The following CPA3 variants were observed in gnomAD, a reference collection of about 807,000 sequenced individuals.
The protein encoded by CPA3 is mast cell carboxypeptidase A.
Under a neutral mutation model 55.8 loss-of-function variants are expected in CPA3, and 52 were observed. The observed-to-expected ratio is 0.93, with a 90% CI of 0.75 to 1.17. CPA3 has a LOEUF of 1.17. CPA3 is among the 50% of genes most tolerant of loss of function. The pLI, the probability that CPA3 is intolerant of heterozygous loss-of-function variation, is 0.00. For missense variants in CPA3, 547 were observed against 509.1 expected, an observed-to-expected ratio of 1.07 and a Z score of -0.72; for synonymous variants, 179 against 171.2, an observed-to-expected ratio of 1.05 and a Z score of -0.36.
At position 148,878,166 on chromosome 3, in the gene CPA3, G is replaced by A. The variant is rs1370533403; in HGVS notation, c.270-275G>A. Among the ~76,000 whole-genome samples, 4 of 152,202 alleles carry A rather than the reference G, an allele frequency of 2.6e-5. No individual in the cohort carries two copies. In the East Asian group the frequency reaches 7.7e-4, roughly 29 times the overall value. ...ATCTGGTGTATATTTTACACATACA[G>A]CAATCTACTCTTGGACAAGCCCCAC... On this transcript the variant is annotated intron_variant, in intron 3 of 10. Coordinates refer to ENST00000296046, the MANE Select transcript of CPA3 (RefSeq NM_001870.4).
intron 3 of CPA3, among the ~76,000 whole-genome samples, chr3:148,871,574 A>G (rs1233550835): frequency 1.3e-5 from 2 of 152,174 alleles, no homozygotes; most frequent in African/African-American, 4.8e-5. Flanking sequence ...GGCCTCTTCT[A>G]TCCTGAAATG....
intron 10 of CPA3, among the ~76,000 whole-genome samples, chr3:148,888,024 G>T (rs1369349795): frequency 6.6e-6 from 1 of 152,142 alleles, no homozygotes; most frequent in African/African-American, 2.4e-5. Context: ...AAAATTTCAT[G>T]AACAACCCTT....
intron 6 of CPA3, 175 bp from the exon 7 acceptor site, chr3:148,881,347 G>A (rs746588621): frequency 4.1e-6 from 2 of 488,736 alleles, no homozygotes; most frequent in Admixed American, 7.5e-5. Flanking sequence ...AAATAAGTTA[G>A]GTTTTTTTCC....
At position 148,883,667 on chromosome 3, in the gene CPA3, A is replaced by G; in HGVS notation, c.833A>G (p.Glu278Gly). The change falls in exon 9 of 11, where the codon GAG becomes GGG. Residue 278 changes from glutamate to glycine, a missense_variant. Glu to Gly is a moderately conservative substitution (Grantham distance 98). Coordinates refer to ENST00000296046, the MANE Select transcript of CPA3 (RefSeq NM_001870.4). ...CADNYRGSAP[E>G]SEKETKAVTN... The stretch of plus-strand genomic sequence containing the variant: ...GATAACTATCGGGGCTCTGCACCAG[A>G]GTCCGAGAAAGAGACGAAAGCTGTC... The G allele has an allele frequency of 6.2e-7, 1 of 1,614,140 alleles. No homozygotes were observed. Among genetic ancestry groups the G allele is most frequent in the Non-Finnish European group, 8.5e-7 (1 of 1,179,982 alleles).
intron 3 of CPA3, among the ~76,000 whole-genome samples, chr3:148,877,388 G>C (rs1311537522): frequency 1.3e-5 from 2 of 152,090 alleles, no homozygotes; most frequent in African/African-American, 4.8e-5. Flanking sequence ...CAGCTGCTCA[G>C]GAGACCAAAG....
At chr3:148,878,849 A>G (rs1000502447) in intron 5 of CPA3, 101 bp downstream of exon 5, 27 of 677,766 alleles carry the variant, frequency 4.0e-5, no homozygotes, top group South Asian at 3.0e-4. Flanking sequence ...GCTAATACAT[A>G]TTATCTCTGA....
chr3:148,892,480 C>G (rs1028713828), intron 10 of CPA3, among the ~76,000 whole-genome samples: 1 of 151,864 alleles, frequency 6.6e-6, no homozygotes, highest in African/African-American at 2.4e-5. Context: ...TGGTGAAACC[C>G]GGTCTCTACT....
chr3:148,886,206 C>T (rs1714524164), intron 10 of CPA3, 29 bp downstream of exon 10: 2 of 1,452,764 alleles, frequency 1.4e-6, no homozygotes, highest in Non-Finnish European at 1.9e-6. Context: ...TTACTGAGCC[C>T]TTTTCCCTAA....
At position 148,896,882 on chromosome 3, in the gene CPA3, G is replaced by A. The variant is rs868793787; in HGVS notation, c.*175G>A. On this transcript the variant is annotated 3_prime_UTR_variant, in exon 11 of 11. Coordinates refer to ENST00000296046, the MANE Select transcript of CPA3 (RefSeq NM_001870.4). ...TACTTACTTTCAGTAGCACCATAAC[G>A]AAGTAGCTTTAAGTGAAACCTTTTA... The A allele has an allele frequency of 1.7e-5, 8 of 473,342 alleles. No individual in the cohort carries two copies. Among genetic ancestry groups the A allele is most frequent in the East Asian group, 6.4e-5 (2 of 31,470 alleles). 29.3% of individuals were successfully genotyped at this position (473,342 alleles called of 1,614,324 possible).
chr3:148,884,955 G>A (rs566934774), intron 9 of CPA3, among the ~76,000 whole-genome samples: 25 of 151,960 alleles, frequency 1.6e-4, no homozygotes, highest in East Asian at 1.2e-3. Flanking sequence ...GGTTATATAC[G>A]TTATATGTAT....
In CPA3 at chr3:148,865,382, C is replaced by A. The variant is rs1007670073; in HGVS notation, c.68+7C>A. The A allele has an allele frequency of 2.5e-6, 4 of 1,613,814 alleles. No individual in the cohort carries two copies. The African/African-American group carries it at 5.3e-5, about 22-fold the overall frequency. On this transcript the variant is annotated splice_region_variant and intron_variant, in intron 1 of 10. Transcript: ENST00000296046. The stretch of plus-strand genomic sequence containing the variant: ...CTCCTGTCCGCTTTGACAGGTAAAT[C>A]TTACTTCCTGTGTTCCAGTCTCTGT...
At chr3:148,886,455 T>A (rs1452041948) in intron 10 of CPA3, among the ~76,000 whole-genome samples, 3 of 152,160 alleles carry the variant, frequency 2.0e-5, no homozygotes, top group Non-Finnish European at 2.9e-5. Flanking sequence ...GTTTACTTTA[T>A]CTACCTTCCT....
intron 10 of CPA3, among the ~76,000 whole-genome samples, chr3:148,889,676 T>G (rs1022151115): frequency 6.6e-6 from 1 of 151,584 alleles, no homozygotes; most frequent in African/African-American, 2.4e-5. Flanking sequence ...TTGAGACCAG[T>G]CTGGCCAACA....
chr3:148,892,509 T>C (rs1018814598), intron 10 of CPA3, among the ~76,000 whole-genome samples: 13 of 151,238 alleles, frequency 8.6e-5, no homozygotes, highest in African/African-American at 2.2e-4. Context: ...AAAAATTAGC[T>C]AGGTGTGGTG....
chr3:148,891,331 C>G (rs1714660075), intron 10 of CPA3, among the ~76,000 whole-genome samples: 1 of 151,956 alleles, frequency 6.6e-6, no homozygotes, highest in Admixed American at 6.6e-5. Flanking sequence ...AAATTAAGTT[C>G]TGGCCAGGCA....
chr3:148,888,416 C>T (rs1203794128), intron 10 of CPA3, among the ~76,000 whole-genome samples: 2 of 152,238 alleles, frequency 1.3e-5, no homozygotes, highest in African/African-American at 4.8e-5. Context: ...TGATCCCCAG[C>T]ATCCACATAG....
chr3:148,881,769 CA>C (rs1714373929), intron 7 of CPA3, 137 bp downstream of exon 7: 1 of 466,290 alleles, frequency 2.1e-6, no homozygotes, highest in Non-Finnish European at 3.6e-6. Context: ...ATCTCAGTTT[CA>C]AATTAAGTAT....
At chr3:148,890,530 T>G (rs187015915) in intron 10 of CPA3, among the ~76,000 whole-genome samples, 20 of 152,358 alleles carry the variant, frequency 1.3e-4, no homozygotes, top group African/African-American at 4.8e-4. Context: ...TTAAGACTTG[T>G]AGTTCATAAC....
chr3:148,872,165 T>C (rs1447304419), intron 3 of CPA3, among the ~76,000 whole-genome samples: 2 of 152,198 alleles, frequency 1.3e-5, no homozygotes, highest in African/African-American at 2.4e-5. Flanking sequence ...TTTTTACTTA[T>C]TTACAAAATC....
Sources: allele counts gnomAD v4.1 joint callset (sites outside exome capture counted in the v4.1 genomes callset), GRCh38; gene constraint gnomAD v4.1.1; transcripts MANE v1.5; gene names NCBI Gene and HGNC (gene_info 2026-07-23, HGNC 2026-07-21).